The following GSAP variants were observed in gnomAD, a reference collection of about 807,000 sequenced individuals.
GSAP encodes gamma-secretase-activating protein.
In GSAP, 118 loss-of-function variants were observed where a neutral mutation model predicts 131.7. The ratio of observed to expected loss-of-function variants is 0.90; its 90% CI spans 0.77 to 1.04. The LOEUF is 1.04. GSAP is among the 50% of genes least tolerant of loss of function. The pLI, the probability that GSAP is intolerant of heterozygous loss-of-function variation, is 0.00. For synonymous variants in GSAP, 381 were observed against 363.4 expected (o/e 1.05, Z -0.55); for missense variants, 1,019 against 1,013.2 (o/e 1.01, Z -0.08).
chr7:77,383,318 TCACACACA>T (rs10539947), intron 6 of GSAP, among the ~76,000 whole-genome samples: 14 of 150,198 alleles, frequency 9.3e-5, no homozygotes, highest in South Asian at 2.1e-4. Context: ...ATGTTCTATT[TCACACACA>T]CACACACACA....
At chr7:77,378,076 T>C (rs1797224487) in intron 8 of GSAP, among the ~76,000 whole-genome samples, 1 of 152,240 alleles carries the variant, frequency 6.6e-6, no homozygotes, top group Non-Finnish European at 1.5e-5. Flanking sequence ...TACATTTTAA[T>C]TAATGCTATA....
chr7:77,392,473 G>A (rs775231782), intron 5 of GSAP, among the ~76,000 whole-genome samples: 6 of 151,572 alleles, frequency 4.0e-5, no homozygotes, highest in Non-Finnish European at 5.9e-5. Flanking sequence ...GCTTGAACCC[G>A]GAAGTTGGAG....
At chr7:77,321,895 G>A (rs747023921) in intron 24 of GSAP, among the ~76,000 whole-genome samples, 7 of 152,188 alleles carry the variant, frequency 4.6e-5, no homozygotes, top group Non-Finnish European at 7.3e-5. Flanking sequence ...CCAAATTGCA[G>A]TGTCCTCATC....
At chr7:77,316,793 T>C (rs554437514) in intron 26 of GSAP, among the ~76,000 whole-genome samples, 12 of 152,248 alleles carry the variant, frequency 7.9e-5, no homozygotes, top group African/African-American at 2.4e-4. Context: ...ACAGAGCAAA[T>C]TGGCTATAAT....
At chr7:77,400,003 G>T (rs1217268280) in intron 3 of GSAP, among the ~76,000 whole-genome samples, 2 of 152,118 alleles carry the variant, frequency 1.3e-5, no homozygotes, top group Non-Finnish European at 2.9e-5. Context: ...AAAGGAACTG[G>T]AAAGAGGAAA....
At chr7:77,323,049 C>T (rs192015529) in intron 24 of GSAP, among the ~76,000 whole-genome samples, 1 of 152,262 alleles carries the variant, frequency 6.6e-6, no homozygotes. Context: ...AGACTCTAAG[C>T]AAGATCAGGC....
intron 1 of GSAP, among the ~76,000 whole-genome samples, chr7:77,413,030 C>G (rs1225254412): frequency 6.6e-6 from 1 of 152,114 alleles, no homozygotes; most frequent in Non-Finnish European, 1.5e-5. Context: ...ATACAGCAAA[C>G]CCCAGAAACC....
In GSAP at chr7:77,378,556, G is replaced by A. The variant is rs972576792; in HGVS notation, c.577-1166C>T. 8.6e-5 allele frequency among the ~76,000 whole-genome samples: 13 copies of A among 151,860 alleles called. No homozygotes were observed. The Middle Eastern group carries it at 0.01, about 120-fold the overall frequency. ...AAAGGCAGAAAATGAAATAAGGTGT[G>A]CAAGAGTAAATTTGAAATATTTGTT... On this transcript the variant is annotated intron_variant, in intron 8 of 30. Coordinates refer to ENST00000257626, the MANE Select transcript of GSAP (RefSeq NM_017439.4).
intron 18 of GSAP, among the ~76,000 whole-genome samples, chr7:77,349,840 G>A (rs1430569382): frequency 2.6e-5 from 4 of 152,092 alleles, no homozygotes; most frequent in African/African-American, 4.8e-5. Context: ...AAGGAATCAA[G>A]ACTAACAGGA....
At chr7:77,336,858 T>A (rs1414517774) in intron 19 of GSAP, among the ~76,000 whole-genome samples, 1 of 152,196 alleles carries the variant, frequency 6.6e-6, no homozygotes, top group Admixed American at 6.5e-5. Context: ...CATCATAAAA[T>A]TAAGGTTTAT....
At chr7:77,334,602 A>AAAAAAAAAAAAAAAAAAAAAAAAC in intron 19 of GSAP, among the ~76,000 whole-genome samples, 1 of 149,380 alleles carries the variant, frequency 6.7e-6, no homozygotes, top group African/African-American at 2.4e-5. Flanking sequence ...AAAAAAAAAA[A>AAAAAAAAAAAAAAAAAAAAAAAAC]AAAAGATGAA....
In GSAP at chr7:77,312,103, G is replaced by GT. The variant is rs767038269; in HGVS notation, c.2370dup (p.Gln791ThrfsTer8). On this transcript the variant is annotated frameshift_variant, in exon 29 of 31. Transcript: ENST00000257626. LOFTEE classifies it high-confidence loss of function. ...GCTGTGCTTTCAGAGAAACTCACCTGTTTCTTATAGTTCTGAAGCAGTCGC... is the reference window on the plus strand; with the variant it reads ...GCTGTGCTTTCAGAGAAACTCACCTGTTTTCTTATAGTTCTGAAGCAGTCGC... 4 of 1,580,322 alleles carry GT rather than the reference G, an allele frequency of 2.5e-6. No individual in the cohort carries two copies. The highest frequency in any genetic ancestry group is 3.4e-6 in the Non-Finnish European group (4 of 1,159,560).
At chr7:77,363,386 G>A (rs1390790064) in intron 12 of GSAP, among the ~76,000 whole-genome samples, 1 of 152,224 alleles carries the variant, frequency 6.6e-6, no homozygotes, top group African/African-American at 2.4e-5. Context: ...ATTGAGGACA[G>A]TATGCTTAAA....
intron 27 of GSAP, 118 bp downstream of exon 27, chr7:77,314,252 G>T: frequency 1.0e-6 from 1 of 955,220 alleles, no homozygotes. Context: ...AAACTGAGCA[G>T]GGCACTCTTC....
chr7:77,397,837 A>G (rs571159747), intron 3 of GSAP, among the ~76,000 whole-genome samples: 1 of 152,334 alleles, frequency 6.6e-6, no homozygotes, highest in Admixed American at 6.5e-5. Context: ...TGAAGCACTT[A>G]GTGCAATAAG....
chr7:77,315,529 T>A (rs961686869), intron 26 of GSAP: 5 of 152,162 alleles, frequency 3.3e-5, no homozygotes, highest in Middle Eastern at 3.2e-3. Flanking sequence ...AATTACTAGA[T>A]TCCCATTTCA....
Position 77,321,263 on chromosome 7 carries a change from A to G in GSAP, c.1994+70T>C, listed in dbSNP as rs537400170. ...CTGATTTGAACTAGTGCATTTCAAA[A>G]GGGTTTTGCTACAACAGAGTTGTTT... is the stretch of plus-strand genomic sequence containing the variant. On this transcript the variant is annotated intron_variant, in intron 25 of 30. Coordinates refer to ENST00000257626, the MANE Select transcript of GSAP (RefSeq NM_017439.4). 6.4e-5 allele frequency: 59 copies of G among 926,600 alleles called. No individual in the cohort carries two copies. In the African/African-American group the frequency reaches 7.6e-4, roughly 12 times the overall value. 57.4% of individuals were successfully genotyped at this position (926,600 alleles called of 1,614,324 possible).
chr7:77,372,320 G>A (rs1032078798), intron 12 of GSAP, among the ~76,000 whole-genome samples: 2 of 152,202 alleles, frequency 1.3e-5, no homozygotes, highest in East Asian at 3.9e-4. Context: ...AGATTTAAAC[G>A]GCCAAATGTA....
intron 5 of GSAP, among the ~76,000 whole-genome samples, chr7:77,392,878 G>A (rs1799804260): frequency 6.6e-6 from 1 of 152,112 alleles, no homozygotes; most frequent in Non-Finnish European, 1.5e-5. Flanking sequence ...CAGTGGCAAT[G>A]GGGCCCCTGA....
Sources: gnomAD v4.1 joint callset for allele counts (sites outside exome capture counted in the v4.1 genomes callset) on GRCh38, gnomAD v4.1.1 for gene constraint, MANE v1.5 for transcripts, NCBI Gene and HGNC (gene_info 2026-07-23, HGNC 2026-07-21) for gene names.